Variants in THADA observed in about 807,000 individuals in gnomAD.
THADA encodes the protein tRNA (32-2'-O)-methyltransferase regulator THADA.
In THADA, 213 loss-of-function variants were observed where a neutral mutation model predicts 219.8. That is an observed-to-expected ratio of 0.97 (90% confidence interval 0.87 to 1.09). The LOEUF is 1.09. Among genes scored for constraint, THADA ranks in the 50% least tolerant of loss-of-function variants. The pLI is 0.00. For missense variants in THADA, 2,956 were observed against 2,311.3 expected, an observed-to-expected ratio of 1.28 and a Z score of -5.72; for synonymous variants, 1,018 against 828.9, an observed-to-expected ratio of 1.23 and a Z score of -3.92.
Position 43,330,321 on chromosome 2 carries a change from A to C in THADA, c.4344-9781T>G, listed in dbSNP as rs150194174. On this transcript the variant is annotated intron_variant, in intron 30 of 37. Transcript: ENST00000405975. ...TCCCAGAGGCACCCAGGCCAGTCTAATTGCTGAGGAAGCCTGATCATCACT... is the reference window on the plus strand; with the variant it reads ...TCCCAGAGGCACCCAGGCCAGTCTACTTGCTGAGGAAGCCTGATCATCACT... Among the ~76,000 whole-genome samples, 583 of 152,282 alleles carry C rather than the reference A, an allele frequency of 3.8e-3. 2 individuals carry two copies. Among genetic ancestry groups the C allele is most frequent in the African/African-American group, 0.013 (552 of 41,552 alleles).
At chr2:43,521,563 A>T (rs553465017) in intron 22 of THADA, among the ~76,000 whole-genome samples, 4 of 152,312 alleles carry the variant, frequency 2.6e-5, no homozygotes, top group Non-Finnish European at 4.4e-5. Flanking sequence ...CTCAAAAAAA[A>T]GGTAAGGGGT....
At chr2:43,494,723 T>A (rs1221313673) in intron 25 of THADA, among the ~76,000 whole-genome samples, 2 of 152,218 alleles carry the variant, frequency 1.3e-5, no homozygotes, top group African/African-American at 4.8e-5. Context: ...TCTATCCTTG[T>A]ATTTCTAGTG....
intron 31 of THADA, among the ~76,000 whole-genome samples, chr2:43,319,118 G>A (rs1190496424): frequency 6.6e-6 from 1 of 152,162 alleles, no homozygotes; most frequent in Non-Finnish European, 1.5e-5. Flanking sequence ...TACAGAAATG[G>A]TGGAAATCTA....
chr2:43,538,180 T>C (rs1200623934), intron 21 of THADA, among the ~76,000 whole-genome samples: 4 of 152,140 alleles, frequency 2.6e-5, no homozygotes, highest in Middle Eastern at 3.2e-3. Flanking sequence ...GGGTATCAGA[T>C]AGCCCATGAA....
intron 29 of THADA, chr2:43,391,726 C>T (rs1249485056): frequency 6.6e-6 from 1 of 152,192 alleles, no homozygotes; most frequent in Non-Finnish European, 1.5e-5. Flanking sequence ...AGGTGACTGC[C>T]TAGAGGCTCC....
At chr2:43,559,409 A>G (rs1273901137) in intron 16 of THADA, among the ~76,000 whole-genome samples, 2 of 152,220 alleles carry the variant, frequency 1.3e-5, no homozygotes, top group Non-Finnish European at 2.9e-5. Flanking sequence ...AATCCACTGC[A>G]TCTACAAGCT....
chr2:43,501,548 C>A (rs1036431497), intron 24 of THADA, among the ~76,000 whole-genome samples: 5 of 151,912 alleles, frequency 3.3e-5, no homozygotes, highest in Non-Finnish European at 5.9e-5. Context: ...TATGGAACAG[C>A]AATAGGACAA....
At chr2:43,284,004 C>T (rs1355381835) in intron 35 of THADA, among the ~76,000 whole-genome samples, 1 of 152,124 alleles carries the variant, frequency 6.6e-6, no homozygotes, top group Non-Finnish European at 1.5e-5. Context: ...CATGGTGAAA[C>T]CCTGTCTCTA....
At chr2:43,339,803 A>G (rs929565951) in intron 30 of THADA, among the ~76,000 whole-genome samples, 1 of 152,222 alleles carries the variant, frequency 6.6e-6, no homozygotes, top group Non-Finnish European at 1.5e-5. Flanking sequence ...ATCTGCAAGC[A>G]GCAAGGGTGG....
chr2:43,280,116 G>A (rs577847494), intron 35 of THADA, among the ~76,000 whole-genome samples: 1 of 152,314 alleles, frequency 6.6e-6, no homozygotes, highest in African/African-American at 2.4e-5. Flanking sequence ...GGGTGAGGAT[G>A]TAGGCTTTCC....
intron 26 of THADA, among the ~76,000 whole-genome samples, chr2:43,466,417 G>A (rs1166898824): frequency 6.6e-6 from 1 of 152,126 alleles, no homozygotes; most frequent in Non-Finnish European, 1.5e-5. Flanking sequence ...CTTACAGGAA[G>A]TTTTGCCTAA....
At chr2:43,357,557 G>C (rs565438769) in intron 29 of THADA, among the ~76,000 whole-genome samples, 1 of 152,174 alleles carries the variant, frequency 6.6e-6, no homozygotes, top group African/African-American at 2.4e-5. Context: ...ATGAGCAAAG[G>C]TGTAGATGCT....
chr2:43,586,031 A>G (rs954281294), intron 7 of THADA, among the ~76,000 whole-genome samples: 1 of 152,122 alleles, frequency 6.6e-6, no homozygotes, highest in Non-Finnish European at 1.5e-5. Context: ...TCGGGAGGCT[A>G]AAGCGGGCAC....
At chr2:43,429,029 A>C (rs1314802567) in intron 27 of THADA, among the ~76,000 whole-genome samples, 3 of 152,174 alleles carry the variant, frequency 2.0e-5, no homozygotes, top group Non-Finnish European at 4.4e-5. Context: ...CAAGTGCAAA[A>C]TTATAGGAAA....
intron 21 of THADA, among the ~76,000 whole-genome samples, chr2:43,540,264 C>T (rs565184871): frequency 1.3e-5 from 2 of 152,322 alleles, no homozygotes; most frequent in South Asian, 2.1e-4. Flanking sequence ...ATGTCCTGTG[C>T]GCCTTTGCCT....
intron 29 of THADA, among the ~76,000 whole-genome samples, chr2:43,372,812 C>T (rs562122925): frequency 5.9e-5 from 9 of 152,250 alleles, no homozygotes; most frequent in Non-Finnish European, 1.0e-4. Context: ...TGCAGTGGCG[C>T]GGTCTCAATC....
In THADA at chr2:43,232,629, C is replaced by T. The variant is rs972468639; in HGVS notation, c.5466+84G>A. 87 of 1,446,482 alleles carry T rather than the reference C, an allele frequency of 6.0e-5. 1 individual carries two copies. The highest frequency in any genetic ancestry group is 7.9e-5 in the Non-Finnish European group (84 of 1,056,624). 89.6% of individuals were successfully genotyped at this position (1,446,482 alleles called of 1,614,324 possible). On this transcript the variant is annotated intron_variant, in intron 37 of 37. Coordinates refer to ENST00000405975, the MANE Select transcript of THADA (RefSeq NM_022065.5). Reference sequence around the variant, plus strand: ...TGCTCTGTGTCTAAGCATGCAAAAGCCCAGCTGAGGCTGTAGGTGCTGCAT... The same window carrying T: ...TGCTCTGTGTCTAAGCATGCAAAAGTCCAGCTGAGGCTGTAGGTGCTGCAT...
chr2:43,325,582 GGA>G (rs1371482046), intron 30 of THADA, among the ~76,000 whole-genome samples: 1 of 151,930 alleles, frequency 6.6e-6, no homozygotes, highest in African/African-American at 2.4e-5. Flanking sequence ...GAAGGGAAGA[GGA>G]GAGAGATGGG....
chr2:43,472,742 T>C (rs1342212956), intron 26 of THADA, among the ~76,000 whole-genome samples: 2 of 152,186 alleles, frequency 1.3e-5, no homozygotes, highest in Non-Finnish European at 2.9e-5. Flanking sequence ...TATACAACCC[T>C]ACATGGTATA....
Sources: allele counts gnomAD v4.1 joint callset (sites outside exome capture counted in the v4.1 genomes callset), GRCh38; gene constraint gnomAD v4.1.1; transcripts MANE v1.5; gene names NCBI Gene and HGNC (gene_info 2026-07-23, HGNC 2026-07-21).